The following KIF13A variants were observed in gnomAD, a reference collection of about 807,000 sequenced individuals.
The protein encoded by KIF13A is kinesin family member 13A.
In KIF13A, 79 loss-of-function variants were observed where a neutral mutation model predicts 212.2. The observed-to-expected ratio is 0.37, with a 90% CI of 0.31 to 0.45. The LOEUF (loss-of-function observed/expected upper bound fraction) is 0.45. KIF13A is among the 20% of genes least tolerant of loss of function. The pLI is 1.00. For synonymous variants in KIF13A, 789 were observed against 808.6 expected, an observed-to-expected ratio of 0.98 and a Z score of 0.41; for missense variants, 1,901 against 2,209.0, an observed-to-expected ratio of 0.86 and a Z score of 2.79.
Position 17,808,822 on chromosome 6 carries a change from G to C in KIF13A, c.2109C>G (p.Thr703=). The change falls in exon 18 of 39, where the codon ACC becomes ACG. Residue 703 remains threonine, a synonymous_variant. Transcript: ENST00000259711. ...GGATCTGAAGAGTCACTTGGTAATC[G>C]GTGAGTTTGCTCATTTCCTCAGCCA... ...NFLAEEMSKL[T]DYQVTLQIPA... is the part of the protein sequence containing the mutation. The C allele has an allele frequency of 1.2e-6, 2 of 1,613,750 alleles. No homozygotes were observed. The highest frequency in any genetic ancestry group is 2.2e-5 in the South Asian group (2 of 91,044).
At chr6:17,973,882 A>AC (rs1243379822) in intron 2 of KIF13A, among the ~76,000 whole-genome samples, 1 of 152,214 alleles carries the variant, frequency 6.6e-6, no homozygotes, top group East Asian at 1.9e-4. Context: ...ACTGGAGCCC[A>AC]CAACTCTCAA....
intron 25 of KIF13A, among the ~76,000 whole-genome samples, chr6:17,790,326 G>A (rs955411097): frequency 6.6e-6 from 1 of 152,150 alleles, no homozygotes; most frequent in African/African-American, 2.4e-5. Flanking sequence ...GATCACTTGA[G>A]CGGAGGAGAT....
chr6:17,881,339 G>A (rs1771038820), intron 3 of KIF13A: 1 of 336,858 alleles, frequency 3.0e-6, no homozygotes, highest in South Asian at 2.3e-5. Context: ...TATAATCTGA[G>A]GTAATGAAGT....
chr6:17,848,174 T>A (rs541286532), intron 9 of KIF13A, among the ~76,000 whole-genome samples: 10 of 152,316 alleles, frequency 6.6e-5, no homozygotes, highest in African/African-American at 2.4e-4. Flanking sequence ...GATATTTTGA[T>A]ACATGTATAC....
In KIF13A at chr6:17,839,520, G is replaced by A. The variant is rs375093789; in HGVS notation, c.831-1937C>T. Reference sequence around the variant, plus strand: ...AACAACTACAACACGGATGAACCCTGGCAAATTATTTTACGTGAAAGAAGC... The same window carrying A: ...AACAACTACAACACGGATGAACCCTAGCAAATTATTTTACGTGAAAGAAGC... On this transcript the variant is annotated intron_variant, in intron 9 of 38. Transcript: ENST00000259711. This position sits in a 1 kb window ranked among gnomAD's most constrained non-coding sequence, Gnocchi z 4.3. Among the ~76,000 whole-genome samples the A allele has an allele frequency of 2.6e-5, 4 of 152,258 alleles. No homozygotes were observed. The highest frequency in any genetic ancestry group is 2.1e-4 in the South Asian group (1 of 4,828).
In KIF13A at chr6:17,898,238, C is replaced by T. The variant is rs374528916; in HGVS notation, c.147-58G>A. On this transcript the variant is annotated intron_variant, in intron 2 of 38. Coordinates refer to ENST00000259711, the MANE Select transcript of KIF13A (RefSeq NM_022113.6). This position sits in a 1 kb window ranked among gnomAD's most constrained non-coding sequence, Gnocchi z 5.2. Reference sequence around the variant, plus strand: ...GGGATACAGAGGGTTGTCAACACAGCAGCCACATCAGAGGGAAACAATGAA... The same window carrying T: ...GGGATACAGAGGGTTGTCAACACAGTAGCCACATCAGAGGGAAACAATGAA... 3 of 1,523,720 alleles carry T rather than the reference C, an allele frequency of 2.0e-6. No individual in the cohort carries two copies. Among genetic ancestry groups the T allele is most frequent in the Non-Finnish European group, 1.8e-6 (2 of 1,102,184 alleles). 94.4% of individuals were successfully genotyped at this position (1,523,720 alleles called of 1,614,324 possible). A position where few individuals can be genotyped will look rare whatever the true frequency, so the allele number is the denominator to read the frequency against.
intron 2 of KIF13A, among the ~76,000 whole-genome samples, chr6:17,932,774 A>T (rs892566556): frequency 2.0e-5 from 3 of 151,342 alleles, no homozygotes; most frequent in African/African-American, 7.3e-5. Context: ...AGAGGGTTGA[A>T]GCGAGGAGGA....
intron 4 of KIF13A, chr6:17,873,125 A>G (rs1475978411): frequency 1.3e-5 from 5 of 392,214 alleles, no homozygotes; most frequent in African/African-American, 2.1e-5. Flanking sequence ...TGGAATGAGG[A>G]TAAAATACCA....
At chr6:17,831,351 G>A in intron 12 of KIF13A, 116 bp from the exon 13 acceptor site, 2 of 1,138,904 alleles carry the variant, frequency 1.8e-6, no homozygotes, top group Non-Finnish European at 2.5e-6. Flanking sequence ...GATTACACAT[G>A]CTACTCTGCT....
chr6:17,956,391 G>A (rs1421714911), intron 2 of KIF13A, among the ~76,000 whole-genome samples: 1 of 152,218 alleles, frequency 6.6e-6, no homozygotes, highest in African/African-American at 2.4e-5. Flanking sequence ...GCAGCCAAGT[G>A]CCACCTGTTT....
At position 17,856,192 on chromosome 6, in the gene KIF13A, CAAT is replaced by C. The variant is rs1329339094; in HGVS notation, c.221-73_221-71del. ...TTTCTTGACATATTTGTGTTAGTAA[CAAT>C]ATTATGTCAATTCAAAAAAATGTTA... On this transcript the variant is annotated intron_variant, in intron 4 of 38. Transcript: ENST00000259711. The surrounding 1 kb of genome is among the most constrained non-coding windows in gnomAD (Gnocchi z 4.5). The C allele has an allele frequency of 9.4e-7, 1 of 1,069,202 alleles. No individual in the cohort carries two copies. Among genetic ancestry groups the C allele is most frequent in the Non-Finnish European group, 1.4e-6 (1 of 711,414 alleles). The allele number at this position is 1,069,202 out of a possible 1,614,324, so 66.2% of individuals were successfully genotyped here.
At chr6:17,873,270 T>C in intron 4 of KIF13A, 107 bp downstream of exon 4, 1 of 721,150 alleles carries the variant, frequency 1.4e-6, no homozygotes, top group Admixed American at 3.0e-5. Flanking sequence ...AAAGAACAGG[T>C]GTGAATTACA....
Position 17,803,890 on chromosome 6 carries a change from C to T in KIF13A, c.2454+471G>A, listed in dbSNP as rs565760142. ...GACTTGGGCCAGGCACCGTGGCTCA[C>T]GCCTGTAATCCCAGCACTTTGGGAA... On this transcript the variant is annotated intron_variant, in intron 20 of 38. Transcript: ENST00000259711. Among the ~76,000 whole-genome samples the T allele has an allele frequency of 1.3e-3, 199 of 152,326 alleles. 1 individual carries two copies. Among genetic ancestry groups the T allele is most frequent in the African/African-American group, 4.5e-3 (188 of 41,568 alleles).
chr6:17,940,813 A>ATTT (rs1561785103), intron 2 of KIF13A, among the ~76,000 whole-genome samples: 5 of 55,966 alleles, frequency 8.9e-5, no homozygotes, highest in African/African-American at 3.3e-4. Context: ...ACACATGTAA[A>ATTT]TTTATTTTTT....
intron 2 of KIF13A, among the ~76,000 whole-genome samples, chr6:17,985,755 C>G (rs1038571527): frequency 4.0e-5 from 6 of 151,880 alleles, no homozygotes; most frequent in African/African-American, 7.3e-5. Context: ...ATCTACACTG[C>G]TATAAATGCA....
At position 17,764,458 on chromosome 6, in the gene KIF13A, G is replaced by C. The variant is rs1029870872; in HGVS notation, c.5070C>G (p.Ser1690=). 2 of 1,614,048 alleles carry C rather than the reference G, an allele frequency of 1.2e-6. No individual in the cohort carries two copies. Among genetic ancestry groups the C allele is most frequent in the Admixed American group, 1.7e-5 (1 of 60,028 alleles). ...ATGAGCCAGTCCTGCACAGTGATTT[G>C]GAGTTTTTCTCAGGGATGCTCTGGG... ...PSSQSIPEKN[S]KSLCRTGSCS... The change falls in exon 39 of 39, where the codon TCC becomes TCG. Residue 1690 remains serine, a synonymous_variant. Coordinates refer to ENST00000259711, the MANE Select transcript of KIF13A (RefSeq NM_022113.6). The surrounding 1 kb of genome is among the most constrained non-coding windows in gnomAD (Gnocchi z 5.1).
Position 17,777,417 on chromosome 6 carries a change from T to C in KIF13A, c.4093-63A>G, listed in dbSNP as rs537461249. On this transcript the variant is annotated intron_variant, in intron 33 of 38. Coordinates refer to ENST00000259711, the MANE Select transcript of KIF13A (RefSeq NM_022113.6). This position sits in a 1 kb window ranked among gnomAD's most constrained non-coding sequence, Gnocchi z 4.4. ...TTTTTCCCCAGAGACAGAGTCTCAC[T>C]CTGTTGCCCAGGCTGGAGTGTAGTG... 6.9e-4 allele frequency: 933 copies of C among 1,355,102 alleles called. 2 individuals carry two copies. The highest frequency in any genetic ancestry group is 2.4e-3 in the South Asian group (189 of 80,284). 83.9% of individuals were successfully genotyped at this position (1,355,102 alleles called of 1,614,324 possible). A position where few individuals can be genotyped will look rare whatever the true frequency, so the allele number is the denominator to read the frequency against.
chr6:17,973,977 T>C (rs1192096711), intron 2 of KIF13A, among the ~76,000 whole-genome samples: 4 of 152,242 alleles, frequency 2.6e-5, no homozygotes, highest in Non-Finnish European at 5.9e-5. Context: ...TTAGATAAGT[T>C]AGGTAATTCT....
In KIF13A at chr6:17,843,864, G is replaced by A. The variant is rs1308640115; in HGVS notation, c.830+5513C>T. ...GTTTGAGACCAGCCTGGCCAACATG[G>A]TGAAACCCTTCCACTACTAAAAATA... is the stretch of plus-strand genomic sequence containing the variant. On this transcript the variant is annotated intron_variant, in intron 9 of 38. Coordinates refer to ENST00000259711, the MANE Select transcript of KIF13A (RefSeq NM_022113.6). This position sits in a 1 kb window ranked among gnomAD's most constrained non-coding sequence, Gnocchi z 5.3. Among the ~76,000 whole-genome samples, 1 of 152,060 alleles carries A rather than the reference G, an allele frequency of 6.6e-6. No individual in the cohort carries two copies. Among genetic ancestry groups the A allele is most frequent in the Non-Finnish European group, 1.5e-5 (1 of 68,012 alleles).
Sources: allele counts gnomAD v4.1 joint callset (sites outside exome capture counted in the v4.1 genomes callset), GRCh38; gene constraint gnomAD v4.1.1; non-coding constraint Gnocchi (gnomAD v3.1); transcripts MANE v1.5; gene names NCBI Gene and HGNC (gene_info 2026-07-23, HGNC 2026-07-21).